B3GAT2: variants seen among roughly 807,000 people sequenced by gnomAD.
B3GAT2 encodes beta-1,3-glucuronyltransferase 2, also known as galactosylgalactosylxylosylprotein 3-beta-glucuronosyltransferase 2.
A neutral mutation model predicts 27.8 loss-of-function variants in B3GAT2; 26 were observed. The ratio of observed to expected loss-of-function variants is 0.93; its 90% CI spans 0.68 to 1.30. The LOEUF (loss-of-function observed/expected upper bound fraction) is 1.30. Ranked by LOEUF, B3GAT2 falls within the 50% of genes most tolerant of loss-of-function variation. The probability of loss-of-function intolerance (pLI) is 0.00; values close to 1 mark genes in which losing one functional copy is unlikely to be tolerated. For synonymous variants in B3GAT2, 218 were observed against 195.1 expected (o/e 1.12, Z -0.98); for missense variants, 458 against 459.0 (o/e 1.00, Z 0.02).
chr6:70,945,205 G>A (rs1026119761), intron 1 of B3GAT2, among the ~76,000 whole-genome samples: 2 of 152,142 alleles, frequency 1.3e-5, no homozygotes, highest in African/African-American at 2.4e-5. Context: ...CACCAGCAAC[G>A]GAACAAAGCT....
intron 1 of B3GAT2, among the ~76,000 whole-genome samples, chr6:70,910,370 T>C (rs1772670503): frequency 6.6e-6 from 1 of 152,168 alleles, no homozygotes; most frequent in South Asian, 2.1e-4. Flanking sequence ...TTCCCTTCTT[T>C]GTATCCATGT....
At chr6:70,917,911 T>A (rs1438028728) in intron 1 of B3GAT2, among the ~76,000 whole-genome samples, 1 of 152,116 alleles carries the variant, frequency 6.6e-6, no homozygotes, top group Non-Finnish European at 1.5e-5. Context: ...TGTCTATTAG[T>A]TCTGCTTGCT....
chr6:70,947,231 CA>C (rs1765501588), intron 1 of B3GAT2, among the ~76,000 whole-genome samples: 1 of 151,626 alleles, frequency 6.6e-6, no homozygotes, highest in Non-Finnish European at 1.5e-5. Flanking sequence ...TAACTAAAAT[CA>C]GAGCAGAACT....
Position 70,956,308 on chromosome 6 carries a change from G to C in B3GAT2, c.122C>G (p.Ser41Cys), listed in dbSNP as rs1369911793. 6.3e-7 allele frequency: 1 copy of C among 1,596,308 alleles called. No individual in the cohort carries two copies. ...VPPLTPRPYF[S>C]PYAVGRGGAR... ...GCCCCCGCGGCCCACCGCGTAGGGA[G>C]AGAAGTAGGGGCGCGGGGTGAGCGG... Residue 41 changes from serine to cysteine, a missense_variant, in exon 1 of 4, where the codon TCT becomes TGT. Coordinates refer to ENST00000230053, the MANE Select transcript of B3GAT2 (RefSeq NM_080742.3).
At chr6:70,899,986 A>T (rs947292099) in intron 1 of B3GAT2, among the ~76,000 whole-genome samples, 1 of 152,230 alleles carries the variant, frequency 6.6e-6, no homozygotes, top group Non-Finnish European at 1.5e-5. Context: ...GTGAACTCCA[A>T]TCTAAAACAG....
chr6:70,885,476 C>G (rs1423764850), intron 2 of B3GAT2, among the ~76,000 whole-genome samples: 1 of 152,106 alleles, frequency 6.6e-6, no homozygotes, highest in Middle Eastern at 3.2e-3. Context: ...GTTGATCACT[C>G]TCTTTTGGGG....
rs1562207927 is a variant in B3GAT2, at chr6:70,859,141, A to G, written c.*2522T>C. The G allele has an allele frequency of 7.8e-6, 4 of 511,014 alleles. No individual in the cohort carries two copies. Among genetic ancestry groups the G allele is most frequent in the Admixed American group, 3.7e-5 (1 of 26,936 alleles). 31.7% of individuals were successfully genotyped at this position (511,014 alleles called of 1,614,324 possible). On this transcript the variant is annotated 3_prime_UTR_variant, in exon 4 of 4. Coordinates refer to ENST00000230053, the MANE Select transcript of B3GAT2 (RefSeq NM_080742.3). ...TTTCTAACATTAGCACAATCACTAT[A>G]TATCACAGTTAATTTTGCTACCACC... is the stretch of plus-strand genomic sequence containing the variant.
chr6:70,917,362 T>C (rs953187888), intron 1 of B3GAT2, among the ~76,000 whole-genome samples: 2 of 152,188 alleles, frequency 1.3e-5, no homozygotes, highest in Admixed American at 1.3e-4. Flanking sequence ...CCTGGGTTCA[T>C]TGATTTTTTT....
chr6:70,874,294 A>G (rs928021128), intron 2 of B3GAT2, among the ~76,000 whole-genome samples: 1 of 152,194 alleles, frequency 6.6e-6, no homozygotes, highest in African/African-American at 2.4e-5. Context: ...TGGGCAATGA[A>G]GTCTGTGTTC....
intron 1 of B3GAT2, among the ~76,000 whole-genome samples, chr6:70,953,426 T>C (rs1765604831): frequency 6.6e-6 from 1 of 152,220 alleles, no homozygotes; most frequent in African/African-American, 2.4e-5. Flanking sequence ...AATTCAATAA[T>C]GTTTGCCATG....
intron 2 of B3GAT2, among the ~76,000 whole-genome samples, chr6:70,879,416 C>A (rs1167362540): frequency 2.0e-5 from 3 of 152,164 alleles, no homozygotes; most frequent in Non-Finnish European, 4.4e-5. Context: ...TTCCCCCTGA[C>A]CCCCTGTGAA....
Position 70,956,779 on chromosome 6 carries a change from A to G in B3GAT2, c.-350T>C. 8.7e-7 allele frequency: 1 copy of G among 1,145,582 alleles called. No homozygotes were observed. The highest frequency in any genetic ancestry group is 1.1e-6 in the Non-Finnish European group (1 of 930,878). The allele number at this position is 1,145,582 out of a possible 1,614,324, so 71.0% of individuals were successfully genotyped here. ...CTGATCCCCACCGCGCTCTTTCTGA[A>G]GAGTGGAAGCCGAGAAGCGGCACCC... On this transcript the variant is annotated 5_prime_UTR_variant, in exon 1 of 4. Transcript: ENST00000230053.
At chr6:70,925,243 G>A (rs1054530347) in intron 1 of B3GAT2, among the ~76,000 whole-genome samples, 2 of 152,276 alleles carry the variant, frequency 1.3e-5, no homozygotes, top group Non-Finnish European at 2.9e-5. Context: ...TGACGCAGAA[G>A]ACAGGAGATT....
intron 1 of B3GAT2, among the ~76,000 whole-genome samples, chr6:70,954,593 G>A (rs1412563489): frequency 6.6e-6 from 1 of 152,162 alleles, no homozygotes; most frequent in African/African-American, 2.4e-5. Context: ...GGTATCTGAT[G>A]ACCAGACACA....
intron 1 of B3GAT2, among the ~76,000 whole-genome samples, chr6:70,929,270 C>T (rs1020004496): frequency 6.8e-6 from 1 of 147,638 alleles, no homozygotes; most frequent in East Asian, 2.0e-4. Flanking sequence ...ATGGGTGCAG[C>T]ACACCAACAT....
intron 1 of B3GAT2, among the ~76,000 whole-genome samples, chr6:70,914,166 GTA>G (rs975284059): frequency 4.6e-5 from 7 of 151,940 alleles, no homozygotes; most frequent in African/African-American, 1.7e-4. Context: ...AAATTCAAGG[GTA>G]CATGTGCACA....
chr6:70,880,570 C>T (rs1772085637), intron 2 of B3GAT2, among the ~76,000 whole-genome samples: 1 of 150,714 alleles, frequency 6.6e-6, no homozygotes, highest in Non-Finnish European at 1.5e-5. Context: ...TGACTATAGC[C>T]TCGAATCCCC....
rs1363165645 is a variant in B3GAT2 at position 70,955,852 on chromosome 6, T to C, written c.578A>G (p.Glu193Gly). ...GCTGGCCTTTACCTCCTGGAAGAGCTCCAGACTATAGGTGTTGTCGTCGTC... is the reference window on the plus strand; with the variant it reads ...GCTGGCCTTTACCTCCTGGAAGAGCCCCAGACTATAGGTGTTGTCGTCGTC... ...FADDDNTYSL[E>G]LFQEMRTTRK... The change falls in exon 1 of 4, where the codon GAG becomes GGG. Residue 193 changes from glutamate to glycine, a missense_variant. Coordinates refer to ENST00000230053, the MANE Select transcript of B3GAT2 (RefSeq NM_080742.3). The C allele has an allele frequency of 1.3e-6, 2 of 1,598,420 alleles. No homozygotes were observed. Among genetic ancestry groups the C allele is most frequent in the Non-Finnish European group, 1.7e-6 (2 of 1,173,662 alleles).
chr6:70,930,545 C>T (rs934379407), intron 1 of B3GAT2, among the ~76,000 whole-genome samples: 6 of 152,212 alleles, frequency 3.9e-5, no homozygotes, highest in African/African-American at 1.4e-4. Flanking sequence ...TATGAACAGA[C>T]ACTTCTCAAA....
Sources: allele counts gnomAD v4.1 joint callset (sites outside exome capture counted in the v4.1 genomes callset), GRCh38; gene constraint gnomAD v4.1.1; transcripts MANE v1.5; gene names NCBI Gene and HGNC (gene_info 2026-07-23, HGNC 2026-07-21).